The following SMC6 variants were observed in gnomAD, a reference collection of about 807,000 sequenced individuals.
SMC6 encodes the protein structural maintenance of chromosomes protein 6.
In SMC6, 79 loss-of-function variants were observed where a neutral mutation model predicts 142.2. The observed-to-expected ratio is 0.56, with a 90% CI of 0.46 to 0.67. The LOEUF is 0.67. Ranked by LOEUF, SMC6 falls within the 30% of genes least tolerant of loss-of-function variation. The probability of loss-of-function intolerance (pLI) is 0.00; values close to 1 mark genes in which losing one functional copy is unlikely to be tolerated. For synonymous variants in SMC6, 411 were observed against 412.4 expected (o/e 1.00, Z 0.04); for missense variants, 1,072 against 1,284.0 (o/e 0.83, Z 2.52).
At chr2:17,747,723 C>G (rs764702799) in intron 2 of SMC6, among the ~76,000 whole-genome samples, 1 of 152,042 alleles carries the variant, frequency 6.6e-6, no homozygotes, top group Non-Finnish European at 1.5e-5. Flanking sequence ...AGGCTGATCT[C>G]GAACTTCTGA....
At chr2:17,740,686 C>T (rs75329826) in intron 4 of SMC6, 2 of 435,256 alleles carry the variant, frequency 4.6e-6, no homozygotes, top group Admixed American at 2.5e-5. Context: ...GAAACCCCGT[C>T]TCTACTAAAA....
chr2:17,737,375 C>T (rs973075290), intron 5 of SMC6, among the ~76,000 whole-genome samples: 4 of 152,176 alleles, frequency 2.6e-5, no homozygotes, highest in African/African-American at 9.7e-5. Flanking sequence ...AAGTTCTCCG[C>T]ACTGGGCATG....
chr2:17,692,579 G>A (rs1265389236), intron 23 of SMC6, among the ~76,000 whole-genome samples: 2 of 152,148 alleles, frequency 1.3e-5, no homozygotes, highest in East Asian at 3.9e-4. Context: ...AGACTTACAT[G>A]TTAGACCTAA....
intron 25 of SMC6, among the ~76,000 whole-genome samples, chr2:17,675,024 C>T (rs1666935933): frequency 1.3e-5 from 2 of 152,036 alleles, no homozygotes; most frequent in African/African-American, 4.8e-5. Flanking sequence ...GCTGATATAT[C>T]TAGATCTGAG....
At chr2:17,695,599 C>G (rs1029398975) in intron 22 of SMC6, among the ~76,000 whole-genome samples, 1 of 152,094 alleles carries the variant, frequency 6.6e-6, no homozygotes, top group Non-Finnish European at 1.5e-5. Flanking sequence ...CCCAGGGCAT[C>G]GAGGTGAGAT....
intron 23 of SMC6, among the ~76,000 whole-genome samples, chr2:17,691,784 C>T (rs1667744160): frequency 6.6e-6 from 1 of 152,148 alleles, no homozygotes; most frequent in Non-Finnish European, 1.5e-5. Flanking sequence ...TGTCCGTTTG[C>T]AGATGACATG....
intron 3 of SMC6, among the ~76,000 whole-genome samples, chr2:17,744,063 CG>C (rs1187847746): frequency 6.6e-6 from 1 of 152,134 alleles, no homozygotes; most frequent in Non-Finnish European, 1.5e-5. Flanking sequence ...TTCATGTGGA[CG>C]TAAGTTTTCA....
chr2:17,696,950 C>A (rs1421468617), intron 21 of SMC6, among the ~76,000 whole-genome samples: 1 of 151,814 alleles, frequency 6.6e-6, no homozygotes, highest in East Asian at 1.9e-4. Flanking sequence ...TGCACGGCCA[C>A]CACTGGAAAA....
chr2:17,701,949 A>G (rs1668289459), intron 19 of SMC6, 40 bp from the exon 20 acceptor site: 1 of 1,107,530 alleles, frequency 9.0e-7, no homozygotes, highest in Admixed American at 2.4e-5. Context: ...CATAAAAAAA[A>G]ATTTAAACCG....
rs113435047 is a variant in SMC6 at position 17,702,858 on chromosome 2, C to G, written c.2142+299G>C. ...GAGGCCTCCCCAACCATGTGAAACT[C>G]TCAGTCCATTAAACCTCTTTTTCTT... On this transcript the variant is annotated intron_variant, in intron 19 of 27. Coordinates refer to ENST00000448223, the MANE Select transcript of SMC6 (RefSeq NM_001142286.2). Among the ~76,000 whole-genome samples the G allele has an allele frequency of 4.7e-3, 712 of 152,314 alleles. 4 individuals carry two copies. The highest frequency in any genetic ancestry group is 0.016 in the African/African-American group (659 of 41,570).
At chr2:17,724,209 T>A (rs16983805) in intron 9 of SMC6, among the ~76,000 whole-genome samples, 1,910 of 152,272 alleles carry the variant, frequency 0.013, 21 homozygotes, top group East Asian at 0.031. Flanking sequence ...TCCAAGAAAG[T>A]GTGCTTTAGT....
At position 17,708,648 on chromosome 2, in the gene SMC6, T is replaced by C. The variant is rs780539085; in HGVS notation, c.1836A>G (p.Leu612=). 6.7e-6 allele frequency: 10 copies of C among 1,495,356 alleles called. 1 individual carries two copies. In the South Asian group the frequency reaches 9.9e-5, roughly 15 times the overall value. 92.6% of individuals were successfully genotyped at this position (1,495,356 alleles called of 1,614,324 possible). The change falls in exon 17 of 28, where the codon CTA becomes CTG. Residue 612 remains leucine, a synonymous_variant. Coordinates refer to ENST00000448223, the MANE Select transcript of SMC6 (RefSeq NM_001142286.2). ...LIDMRGIETV[L]LIKNNSVARA... ...GATCTGGAGGTCTTACTTTGATTAG[T>C]AGCACTGTCTCTATGCCTCTCATGT...
At chr2:17,734,700 A>G (rs533909142) in intron 5 of SMC6, among the ~76,000 whole-genome samples, 3 of 152,064 alleles carry the variant, frequency 2.0e-5, no homozygotes, top group African/African-American at 7.2e-5. Context: ...GAACTTCAGA[A>G]GCACTGATAT....
chr2:17,693,719 G>A (rs1667845700), intron 23 of SMC6, among the ~76,000 whole-genome samples: 1 of 152,108 alleles, frequency 6.6e-6, no homozygotes, highest in Non-Finnish European at 1.5e-5. Flanking sequence ...AATGAGGCCA[G>A]GCGTGGTGGC....
At chr2:17,717,054 G>C (rs768330261) in intron 13 of SMC6, 34 bp downstream of exon 13, 1 of 1,583,234 alleles carries the variant, frequency 6.3e-7, no homozygotes, top group Non-Finnish European at 8.6e-7. Flanking sequence ...TACAAAATGG[G>C]ATAGCCATGA....
At chr2:17,666,642 G>A in intron 26 of SMC6, 125 bp from the exon 27 acceptor site, 1 of 676,658 alleles carries the variant, frequency 1.5e-6, no homozygotes, top group Non-Finnish European at 2.6e-6. Context: ...CATTATCTAT[G>A]ATGTCCAAGA....
At chr2:17,725,062 T>C (rs575919633) in intron 9 of SMC6, among the ~76,000 whole-genome samples, 195 bp downstream of exon 9, 12 of 152,286 alleles carry the variant, frequency 7.9e-5, no homozygotes, top group African/African-American at 2.2e-4. Flanking sequence ...TACACAGTCA[T>C]TATTACAAAA....
rs571857139 is a variant in SMC6, at chr2:17,704,189, T to C, written c.2007-897A>G. On this transcript the variant is annotated intron_variant, in intron 18 of 27. Coordinates refer to ENST00000448223, the MANE Select transcript of SMC6 (RefSeq NM_001142286.2). Reference sequence around the variant, plus strand: ...CCATAGTACTACAGGAGCATAAGAGTTAATCTGGGAGAAGAGATAACTGAA... The same window carrying C: ...CCATAGTACTACAGGAGCATAAGAGCTAATCTGGGAGAAGAGATAACTGAA... 5.0e-4 allele frequency among the ~76,000 whole-genome samples: 75 copies of C among 151,364 alleles called. 1 individual carries two copies. Among genetic ancestry groups the C allele is most frequent in the African/African-American group, 1.7e-3 (70 of 41,206 alleles).
intron 24 of SMC6, among the ~76,000 whole-genome samples, chr2:17,682,580 T>C (rs1048200221): frequency 2.0e-5 from 3 of 151,976 alleles, no homozygotes; most frequent in East Asian, 1.9e-4. Context: ...CCAAAGGAAA[T>C]AGAAGTAATT....
Sources: allele counts gnomAD v4.1 joint callset (sites outside exome capture counted in the v4.1 genomes callset), GRCh38; gene constraint gnomAD v4.1.1; transcripts MANE v1.5; gene names NCBI Gene and HGNC (gene_info 2026-07-23, HGNC 2026-07-21).